Variants in TIAM1 observed in about 807,000 individuals in gnomAD.
TIAM1 encodes rho guanine nucleotide exchange factor TIAM1.
TIAM1 carries 65 observed loss-of-function variants against 163.5 expected under a neutral mutation model. The ratio of observed to expected loss-of-function variants is 0.40; its 90% CI spans 0.33 to 0.49. TIAM1 has a LOEUF of 0.49. Among genes scored for constraint, TIAM1 ranks in the 20% least tolerant of loss-of-function variants. The pLI is 0.77. For synonymous variants in TIAM1, 833 were observed against 810.1 expected, an observed-to-expected ratio of 1.03 and a Z score of -0.48; for missense variants, 1,789 against 2,044.7, an observed-to-expected ratio of 0.87 and a Z score of 2.41.
chr21:31,452,018 C>T (rs2044879473), intron 2 of TIAM1, among the ~76,000 whole-genome samples: 1 of 152,102 alleles, frequency 6.6e-6, no homozygotes, highest in South Asian at 2.1e-4. Context: ...GTTTGGGTTT[C>T]AGGTTAAACT....
rs368865505 is a variant in TIAM1, at chr21:31,266,856, G to T, written c.117C>A (p.Thr39=). 6.2e-7 allele frequency: 1 copy of T among 1,614,122 alleles called. No individual in the cohort carries two copies. Among genetic ancestry groups the T allele is most frequent in the South Asian group, 1.1e-5 (1 of 91,082 alleles). Residue 39 remains threonine, a synonymous_variant, in exon 4 of 28, where the codon ACC becomes ACA. Coordinates refer to ENST00000541036, the MANE Select transcript of TIAM1 (RefSeq NM_001353694.2). ...SLRLSHKTRR[T]RHASSGKVIH... ...TCACCTTCCCCGAGGAAGCGTGCCT[G>T]GTCCTCCGCGTCTTGTGCGAGAGGC...
chr21:31,479,629 A>G (rs2046048027), intron 1 of TIAM1, among the ~76,000 whole-genome samples: 1 of 152,218 alleles, frequency 6.6e-6, no homozygotes, highest in South Asian at 2.1e-4. Context: ...GAAATCGACA[A>G]AACACTACAA....
At chr21:31,452,076 G>A (rs1040912763) in intron 2 of TIAM1, among the ~76,000 whole-genome samples, 4 of 152,102 alleles carry the variant, frequency 2.6e-5, no homozygotes, top group Non-Finnish European at 5.9e-5. Context: ...TAAGGTGATC[G>A]ATCCCAAATG....
At chr21:31,431,542 AC>A (rs1289247889) in intron 2 of TIAM1, among the ~76,000 whole-genome samples, 1 of 152,212 alleles carries the variant, frequency 6.6e-6, no homozygotes, top group African/African-American at 2.4e-5. Context: ...AGTACCTGAC[AC>A]TTACTGCAAG....
At chr21:31,477,859 T>C (rs2045984906) in intron 1 of TIAM1, among the ~76,000 whole-genome samples, 1 of 152,184 alleles carries the variant, frequency 6.6e-6, no homozygotes, top group South Asian at 2.1e-4. Context: ...GGGAAGCAAG[T>C]GAAGTCTAAT....
intron 4 of TIAM1, among the ~76,000 whole-genome samples, chr21:31,262,950 A>C (rs1408546624): frequency 7.5e-6 from 1 of 133,130 alleles, no homozygotes; most frequent in East Asian, 2.3e-4. Flanking sequence ...AAAAGAAAAA[A>C]ATTTTTTTTT....
At chr21:31,210,651 A>AGGG (rs1247809269) in intron 10 of TIAM1, among the ~76,000 whole-genome samples, 238 of 22,082 alleles carry the variant, frequency 0.011, 15 homozygotes, top group East Asian at 0.024. Context: ...GAAAGAAAGA[A>AGGG]AGAAAGAAAG....
At chr21:31,417,812 C>T (rs2043425341) in intron 2 of TIAM1, among the ~76,000 whole-genome samples, 1 of 152,076 alleles carries the variant, frequency 6.6e-6, no homozygotes, top group African/African-American at 2.4e-5. Context: ...AGAACCCACA[C>T]CTGAAGGGGG....
At position 31,447,804 on chromosome 21, in the gene TIAM1, G is replaced by A. The variant is rs970169653; in HGVS notation, c.-369+16179C>T. Among the ~76,000 whole-genome samples the A allele has an allele frequency of 4.6e-5, 7 of 152,170 alleles. No homozygotes were observed. In the East Asian group the frequency reaches 9.6e-4, roughly 21 times the overall value. ...ATGCACATATATGCACAACACACAT[G>A]TATATATCTGCATGAAGAGATTTAT... On this transcript the variant is annotated intron_variant, in intron 2 of 28. Coordinates refer to the TIAM1 transcript ENST00000286827.
chr21:31,407,175 CAT>C (rs995651866), intron 2 of TIAM1, among the ~76,000 whole-genome samples: 48 of 152,172 alleles, frequency 3.2e-4, no homozygotes, highest in African/African-American at 1.1e-3. Context: ...AAGCCTAATG[CAT>C]GGTTTTCAAG....
chr21:31,536,384 CG>C (rs2048135028), intron 1 of TIAM1, among the ~76,000 whole-genome samples: 1 of 152,182 alleles, frequency 6.6e-6, no homozygotes, highest in Non-Finnish European at 1.5e-5. Context: ...CCCATGCAAG[CG>C]CATGCTGTGC....
At chr21:31,414,622 G>C (rs2043310747) in intron 2 of TIAM1, among the ~76,000 whole-genome samples, 1 of 152,170 alleles carries the variant, frequency 6.6e-6, no homozygotes, top group Admixed American at 6.5e-5. Flanking sequence ...AAATATTAAA[G>C]AGTGTCTACG....
chr21:31,522,275 G>A (rs2047625786), intron 1 of TIAM1, among the ~76,000 whole-genome samples: 1 of 151,472 alleles, frequency 6.6e-6, no homozygotes, highest in African/African-American at 2.4e-5. Flanking sequence ...GGGAGGCCAA[G>A]GTGGGCGGAT....
chr21:31,212,268 C>T (rs1380223487), intron 10 of TIAM1, among the ~76,000 whole-genome samples: 2 of 152,104 alleles, frequency 1.3e-5, no homozygotes, highest in Non-Finnish European at 2.9e-5. Context: ...GATTCTGAAG[C>T]TCAGCTCCAT....
chr21:31,260,129 C>T (rs1282882205), intron 4 of TIAM1, among the ~76,000 whole-genome samples: 2 of 143,208 alleles, frequency 1.4e-5, no homozygotes, highest in South Asian at 2.2e-4. Context: ...TTTTTAGAGG[C>T]GAGGTCTCAC....
At chr21:31,522,652 C>G (rs561008191) in intron 1 of TIAM1, among the ~76,000 whole-genome samples, 1 of 152,282 alleles carries the variant, frequency 6.6e-6, no homozygotes, top group East Asian at 1.9e-4. Flanking sequence ...AGTAAATGGG[C>G]CAAACCACCA....
At chr21:31,342,216 G>C (rs773045672) in intron 1 of TIAM1, among the ~76,000 whole-genome samples, 1 of 151,966 alleles carries the variant, frequency 6.6e-6, no homozygotes, top group Non-Finnish European at 1.5e-5. Flanking sequence ...AGGTTGGGGC[G>C]GGAGGATCAC....
At chr21:31,264,852 T>C (rs545130516) in intron 4 of TIAM1, among the ~76,000 whole-genome samples, 1 of 152,294 alleles carries the variant, frequency 6.6e-6, no homozygotes, top group South Asian at 2.1e-4. Flanking sequence ...TGCTCCGCCA[T>C]TCAAGGCAAA....
chr21:31,376,133 T>TA (rs985878691), intron 2 of TIAM1, among the ~76,000 whole-genome samples: 2 of 152,232 alleles, frequency 1.3e-5, no homozygotes, highest in African/African-American at 4.8e-5. Flanking sequence ...TGCCACATCC[T>TA]ACCCTTTGTT....
Sources: gnomAD v4.1 joint callset for allele counts (sites outside exome capture counted in the v4.1 genomes callset) on GRCh38, gnomAD v4.1.1 for gene constraint, MANE v1.5 for transcripts, NCBI Gene and HGNC (gene_info 2026-07-23, HGNC 2026-07-21) for gene names.